The following SYTL1 variants were observed in gnomAD, a reference collection of about 807,000 sequenced individuals.
The protein encoded by SYTL1 is synaptotagmin like 1, also known as synaptotagmin-like protein 1.
In SYTL1, 53 loss-of-function variants were observed where a neutral mutation model predicts 74.6. The observed-to-expected ratio is 0.71, with a 90% CI of 0.57 to 0.89. The LOEUF is 0.89. Among genes scored for constraint, SYTL1 ranks in the 40% least tolerant of loss-of-function variants. SYTL1 has a pLI of 0.00. For missense variants in SYTL1, 728 were observed against 768.7 expected, an observed-to-expected ratio of 0.95 and a Z score of 0.63; for synonymous variants, 329 against 324.9, an observed-to-expected ratio of 1.01 and a Z score of -0.14.
chr1:27,349,691 G>A lies in SYTL1; in HGVS notation c.673G>A (p.Ala225Thr). ...ASQILENGEE[A>T]PGPDPSLDRM... ...CCAGATCCTGGAGAATGGGGAGGAG[G>A]CCCCGGGGCCCGACCCCTCTCTCGA... The change falls in exon 8 of 15, where the codon GCC (alanine) becomes ACC (threonine). Residue 225 changes from alanine to threonine, a missense_variant. Ala to Thr is a moderately conservative substitution (Grantham distance 58). Transcript: ENST00000616558. 6.2e-7 allele frequency: 1 copy of A among 1,611,166 alleles called. No individual in the cohort carries two copies. Among genetic ancestry groups the A allele is most frequent in the South Asian group, 1.1e-5 (1 of 90,828 alleles).
Position 27,351,065 on chromosome 1 carries a change from C to A in SYTL1, c.1164+113C>A. The stretch of plus-strand genomic sequence containing the variant: ...CGCCTTCGACAGAACCTCCCCTCAA[C>A]CTCTTAACCTCATGGCCCCAGGCGA... On this transcript the variant is annotated intron_variant, in intron 11 of 14. Transcript: ENST00000616558. The surrounding 1 kb of genome is among the most constrained non-coding windows in gnomAD (Gnocchi z 5.0). 7.2e-7 allele frequency: 1 copy of A among 1,381,948 alleles called. No homozygotes were observed. The highest frequency in any genetic ancestry group is 9.9e-7 in the Non-Finnish European group (1 of 1,015,114). The allele number at this position is 1,381,948 out of a possible 1,614,324, so 85.6% of individuals were successfully genotyped here.
rs899218890 is a variant in SYTL1 at position 27,345,322 on chromosome 1, A to G, written c.-13A>G. ...GAAGCTCCGTGTGCCCAGCTGGGGC[A>G]CAGCCCCAGCTGATGCCCCAGAGGG... On this transcript the variant is annotated 5_prime_UTR_variant, in exon 2 of 15. Transcript: ENST00000616558. This position sits in a 1 kb window ranked among gnomAD's most constrained non-coding sequence, Gnocchi z 6.0. The G allele has an allele frequency of 6.1e-6, 9 of 1,471,142 alleles. No homozygotes were observed. The African/African-American group carries it at 1.2e-4, about 19-fold the overall frequency. The allele number at this position is 1,471,142 out of a possible 1,614,324, so 91.1% of individuals were successfully genotyped here. A position where few individuals can be genotyped will look rare whatever the true frequency, so the allele number is the denominator to read the frequency against.
chr1:27,349,018 T>G (rs1415072572), intron 5 of SYTL1, 62 bp from the exon 6 acceptor site: 36 of 1,332,502 alleles, frequency 2.7e-5, no homozygotes, highest in Non-Finnish European at 3.6e-5. Context: ...GACCCCAATA[T>G]GACCTTTGAC....
chr1:27,347,777 G>T lies in SYTL1; in HGVS notation c.341-31G>T. The T allele has an allele frequency of 6.2e-7, 1 of 1,601,908 alleles. No individual in the cohort carries two copies. The highest frequency in any genetic ancestry group is 2.2e-5 in the East Asian group (1 of 44,804). On this transcript the variant is annotated intron_variant, in intron 3 of 14. Coordinates refer to ENST00000616558, the MANE Select transcript of SYTL1 (RefSeq NM_001193308.2). The surrounding 1 kb of genome is among the most constrained non-coding windows in gnomAD (Gnocchi z 4.9). ...GTCACAGCCAGGCTTCCTGAGCATG[G>T]GGGCTCACAGAACTTCTCACCTGCG...
chr1:27,353,848 C>A lies in SYTL1; in HGVS notation c.1685C>A (p.Thr562Lys). Residue 562 changes from threonine (T) to lysine (K), a missense_variant, in exon 15 of 15, where the codon ACG becomes AAG. By Grantham distance (78) the Thr-to-Lys change is moderately conservative (BLOSUM62 -1). Coordinates refer to ENST00000616558, the MANE Select transcript of SYTL1 (RefSeq NM_001193308.2). ...CTCAGAACCAACCTGGCCCCCAGGA[C>A]GTAGCCCCACCAAGCCTCTCTCTCT... is the stretch of plus-strand genomic sequence containing the variant. ...LPLRTNLAPRT is the reference protein window; with the variant it reads ...LPLRTNLAPRK The A allele has an allele frequency of 6.2e-7, 1 of 1,612,606 alleles. No homozygotes were observed. The highest frequency in any genetic ancestry group is 8.5e-7 in the Non-Finnish European group (1 of 1,178,924).
Position 27,351,105 on chromosome 1 carries a change from C to A in SYTL1, c.1164+153C>A. On this transcript the variant is annotated intron_variant, in intron 11 of 14. Transcript: ENST00000616558. This position sits in a 1 kb window ranked among gnomAD's most constrained non-coding sequence, Gnocchi z 5.0. Reference sequence around the variant, plus strand: ...GCCCCAGGCGAAGCCCGGCCGGCCACGGCCCCTTCCCCGAGGGCGCTAGGA... The same window carrying A: ...GCCCCAGGCGAAGCCCGGCCGGCCAAGGCCCCTTCCCCGAGGGCGCTAGGA... The A allele has an allele frequency of 7.6e-7, 1 of 1,316,186 alleles. No individual in the cohort carries two copies. Among genetic ancestry groups the A allele is most frequent in the Non-Finnish European group, 1.0e-6 (1 of 968,314 alleles). 81.5% of individuals were successfully genotyped at this position (1,316,186 alleles called of 1,614,324 possible).
At position 27,347,514 on chromosome 1, in the gene SYTL1, C is replaced by T. The variant is rs1257128875; in HGVS notation, c.285C>T (p.Ala95=). 1.2e-6 allele frequency: 2 copies of T among 1,613,986 alleles called. No individual in the cohort carries two copies. The highest frequency in any genetic ancestry group is 1.7e-6 in the Non-Finnish European group (2 of 1,180,058). ...QEARSQRHHN[A]HFGSDLVRAS... ...CACGCTCCCAGCGGCACCACAATGC[C>T]CACTTCGGCTCTGACCTTGTCCGAG... Residue 95 remains alanine (A), a synonymous_variant, in exon 3 of 15, where the codon GCC becomes GCT. Transcript: ENST00000616558. The surrounding 1 kb of genome is among the most constrained non-coding windows in gnomAD (Gnocchi z 4.9).
In SYTL1 at chr1:27,343,964, C is replaced by T. The variant is rs2014888272; in HGVS notation, c.-38-1333C>T. Among the ~76,000 whole-genome samples the T allele has an allele frequency of 6.6e-6, 1 of 152,206 alleles. No homozygotes were observed. The highest frequency in any genetic ancestry group is 1.5e-5 in the Non-Finnish European group (1 of 68,034). On this transcript the variant is annotated intron_variant, in intron 1 of 14. Coordinates refer to ENST00000616558, the MANE Select transcript of SYTL1 (RefSeq NM_001193308.2). The surrounding 1 kb of genome is among the most constrained non-coding windows in gnomAD (Gnocchi z 5.2). ...TAGTTTTTGTTTTGAGACGGAGTCT[C>T]ACTCTTGCCCAGGCTGGAGTGCAGT...
chr1:27,345,109 T>C lies in SYTL1; in HGVS notation c.-38-188T>C, dbSNP rs2148028888. The C allele has an allele frequency of 2.5e-6, 1 of 403,192 alleles. No individual in the cohort carries two copies. Among genetic ancestry groups the C allele is most frequent in the Non-Finnish European group, 4.4e-6 (1 of 225,606 alleles). The allele number at this position is 403,192 out of a possible 1,614,324, so 25.0% of individuals were successfully genotyped here. A position where few individuals can be genotyped will look rare whatever the true frequency, so the allele number is the denominator to read the frequency against. ...TGTCTCTTGCTTCTTCCACTGTGTC[T>C]CCAAGTGTGTTCAAGGGCTAGTGTA... On this transcript the variant is annotated intron_variant, in intron 1 of 14. Coordinates refer to ENST00000616558, the MANE Select transcript of SYTL1 (RefSeq NM_001193308.2). This position sits in a 1 kb window ranked among gnomAD's most constrained non-coding sequence, Gnocchi z 6.0.
chr1:27,350,600 GC>G lies in SYTL1; in HGVS notation c.1005+118del. 9.2e-7 allele frequency: 1 copy of G among 1,089,200 alleles called. No individual in the cohort carries two copies. The highest frequency in any genetic ancestry group is 1.3e-6 in the Non-Finnish European group (1 of 748,962). The allele number at this position is 1,089,200 out of a possible 1,614,324, so 67.5% of individuals were successfully genotyped here. A position where few individuals can be genotyped will look rare whatever the true frequency, so the allele number is the denominator to read the frequency against. On this transcript the variant is annotated intron_variant, in intron 10 of 14. Coordinates refer to ENST00000616558, the MANE Select transcript of SYTL1 (RefSeq NM_001193308.2). This position sits in a 1 kb window ranked among gnomAD's most constrained non-coding sequence, Gnocchi z 6.3. ...ATTGCCCGGAGGATCGGCGGAGGGG[GC>G]CCATTAACTCGTTATCCAGTGTTGT... is the stretch of plus-strand genomic sequence containing the variant.
rs1462890775 is a variant in SYTL1 at position 27,353,879 on chromosome 1, C to T, written c.*27C>T. 1.2e-6 allele frequency: 2 copies of T among 1,603,632 alleles called. No individual in the cohort carries two copies. The highest frequency in any genetic ancestry group is 2.2e-5 in the East Asian group (1 of 44,704). ...CCCACCAAGCCTCTCTCTCTGGACC[C>T]CCATCTCAGGGCCTGCCCTTGGCTA... On this transcript the variant is annotated 3_prime_UTR_variant, in exon 15 of 15. Transcript: ENST00000616558.
At position 27,351,229 on chromosome 1, in the gene SYTL1, C is replaced by T; in HGVS notation, c.1165-29C>T. 1 of 1,549,546 alleles carries T rather than the reference C, an allele frequency of 6.5e-7. No individual in the cohort carries two copies. The highest frequency in any genetic ancestry group is 8.7e-7 in the Non-Finnish European group (1 of 1,147,448). ...TCCTGAGGCCCCTTTCCATTAGCCC[C>T]TGCTCCACGATAAGCCCGCCTCTCG... On this transcript the variant is annotated intron_variant, in intron 11 of 14. Transcript: ENST00000616558. This position sits in a 1 kb window ranked among gnomAD's most constrained non-coding sequence, Gnocchi z 5.0.
chr1:27,348,053 G>A lies in SYTL1; in HGVS notation c.459+41G>A, dbSNP rs1455273335. 1 of 1,603,322 alleles carries A rather than the reference G, an allele frequency of 6.2e-7. No individual in the cohort carries two copies. Among genetic ancestry groups the A allele is most frequent in the South Asian group, 1.1e-5 (1 of 90,838 alleles). On this transcript the variant is annotated intron_variant, in intron 5 of 14. Transcript: ENST00000616558. This position sits in a 1 kb window ranked among gnomAD's most constrained non-coding sequence, Gnocchi z 4.1. ...AACATGTGAGTACAGTGTCCCTGGA[G>A]GGGAGGTGGAATGTGCAGGGGGCAG...
In SYTL1 at chr1:27,342,944, A is replaced by G. The variant is rs1571024791; in HGVS notation, c.-39+794A>G. On this transcript the variant is annotated intron_variant, in intron 1 of 14. Coordinates refer to ENST00000616558, the MANE Select transcript of SYTL1 (RefSeq NM_001193308.2). This position sits in a 1 kb window ranked among gnomAD's most constrained non-coding sequence, Gnocchi z 4.7. ...CAGGGAAACTGCTGTTGTGGAGCAC[A>G]CAGGTATCCACAGAGTGAATGCACA... 6.6e-6 allele frequency among the ~76,000 whole-genome samples: 1 copy of G among 152,210 alleles called. No individual in the cohort carries two copies. Among genetic ancestry groups the G allele is most frequent in the African/African-American group, 2.4e-5 (1 of 41,432 alleles).
In SYTL1 at chr1:27,351,114, C is replaced by T; in HGVS notation, c.1165-144C>T. 7.6e-7 allele frequency: 1 copy of T among 1,312,504 alleles called. No homozygotes were observed. 81.3% of individuals were successfully genotyped at this position (1,312,504 alleles called of 1,614,324 possible). On this transcript the variant is annotated intron_variant, in intron 11 of 14. Transcript: ENST00000616558. This position sits in a 1 kb window ranked among gnomAD's most constrained non-coding sequence, Gnocchi z 5.0. ...GAAGCCCGGCCGGCCACGGCCCCTT[C>T]CCCGAGGGCGCTAGGACCCCTAGGT...
Position 27,350,938 on chromosome 1 carries a change from C to G in SYTL1, c.1150C>G (p.Pro384Ala). The G allele has an allele frequency of 6.2e-7, 1 of 1,613,072 alleles. No individual in the cohort carries two copies. The highest frequency in any genetic ancestry group is 1.1e-5 in the South Asian group (1 of 91,066). Residue 384 changes from proline (P) to alanine (A), a missense_variant, in exon 11 of 15, where the codon CCC becomes GCC. Coordinates refer to ENST00000616558, the MANE Select transcript of SYTL1 (RefSeq NM_001193308.2). The surrounding 1 kb of genome is among the most constrained non-coding windows in gnomAD (Gnocchi z 6.3). ...CTGGGGCTCTGAGCCCACCTGGCTCCCCCTGCAGCCCCGGGTGAGGCAGCC... is the reference window on the plus strand; with the variant it reads ...CTGGGGCTCTGAGCCCACCTGGCTCGCCCTGCAGCCCCGGGTGAGGCAGCC... ...WDWGSEPTWL[P>A]LQPRVPPSPD... is the part of the protein sequence containing the mutation.
Position 27,343,071 on chromosome 1 carries a change from G to C in SYTL1, c.-39+921G>C, listed in dbSNP as rs1472463610. Among the ~76,000 whole-genome samples the C allele has an allele frequency of 6.6e-6, 1 of 152,230 alleles. No homozygotes were observed. Among genetic ancestry groups the C allele is most frequent in the Non-Finnish European group, 1.5e-5 (1 of 68,036 alleles). The stretch of plus-strand genomic sequence containing the variant: ...GGGAGGGGACAGAGCATAGCAGGCG[G>C]CGGACACAAGCCAGGACCTGCCCGC... On this transcript the variant is annotated intron_variant, in intron 1 of 14. Coordinates refer to ENST00000616558, the MANE Select transcript of SYTL1 (RefSeq NM_001193308.2). This position sits in a 1 kb window ranked among gnomAD's most constrained non-coding sequence, Gnocchi z 5.2.
At position 27,343,803 on chromosome 1, in the gene SYTL1, G is replaced by A. The variant is rs1250407947; in HGVS notation, c.-38-1494G>A. 1.3e-5 allele frequency among the ~76,000 whole-genome samples: 2 copies of A among 152,180 alleles called. No individual in the cohort carries two copies. Among genetic ancestry groups the A allele is most frequent in the African/African-American group, 4.8e-5 (2 of 41,448 alleles). On this transcript the variant is annotated intron_variant, in intron 1 of 14. Coordinates refer to ENST00000616558, the MANE Select transcript of SYTL1 (RefSeq NM_001193308.2). The surrounding 1 kb of genome is among the most constrained non-coding windows in gnomAD (Gnocchi z 5.2). ...CCAGTTAGCCGGGCAATGTATGTGTGCCAAAGTCTGTATGATTTTTATGTA... is the reference window on the plus strand; with the variant it reads ...CCAGTTAGCCGGGCAATGTATGTGTACCAAAGTCTGTATGATTTTTATGTA...
rs1172132625 is a variant in SYTL1, at chr1:27,353,843, C to A, written c.1680C>A (p.Pro560=). Residue 560 remains proline, a synonymous_variant, in exon 15 of 15, where the codon CCC becomes CCA. Coordinates refer to ENST00000616558, the MANE Select transcript of SYTL1 (RefSeq NM_001193308.2). ...TACCCCTCAGAACCAACCTGGCCCCCAGGACGTAGCCCCACCAAGCCTCTC... is the reference window on the plus strand; with the variant it reads ...TACCCCTCAGAACCAACCTGGCCCCAAGGACGTAGCCCCACCAAGCCTCTC... ...GLLPLRTNLA[P]RT is the part of the protein sequence containing the mutation. 6.2e-7 allele frequency: 1 copy of A among 1,613,452 alleles called. No homozygotes were observed. Among genetic ancestry groups the A allele is most frequent in the Admixed American group, 1.7e-5 (1 of 59,998 alleles).
Sources: gnomAD v4.1 joint callset for allele counts (sites outside exome capture counted in the v4.1 genomes callset) on GRCh38, gnomAD v4.1.1 for gene constraint, Gnocchi (gnomAD v3.1) non-coding constraint, MANE v1.5 for transcripts, NCBI Gene and HGNC (gene_info 2026-07-23, HGNC 2026-07-21) for gene names.